The following CAMKMT variants were observed in gnomAD, a reference collection of about 807,000 sequenced individuals.
The protein encoded by CAMKMT is CaM KMT.
A neutral mutation model predicts 48.0 loss-of-function variants in CAMKMT; 53 were observed. The observed-to-expected ratio is 1.10, with a 90% CI of 0.89 to 1.39. CAMKMT has a LOEUF of 1.39. Among genes scored for constraint, CAMKMT ranks in the 40% most tolerant of loss-of-function variants. The pLI is 0.00. For synonymous variants in CAMKMT, 165 were observed against 152.3 expected, an observed-to-expected ratio of 1.08 and a Z score of -0.61; for missense variants, 428 against 402.7, an observed-to-expected ratio of 1.06 and a Z score of -0.54.
At chr2:44,615,549 G>T (rs1226112485) in intron 3 of CAMKMT, among the ~76,000 whole-genome samples, 3 of 152,134 alleles carry the variant, frequency 2.0e-5, no homozygotes, top group African/African-American at 4.8e-5. Context: ...TAGCTGGCAG[G>T]ATGATGATGC....
chr2:44,504,009 A>AGAGAG (rs1558661671), intron 3 of CAMKMT, among the ~76,000 whole-genome samples: 17 of 56,868 alleles, frequency 3.0e-4, no homozygotes, highest in Non-Finnish European at 5.1e-4. Context: ...GAGAGAGAGA[A>AGAGAG]AACGAAACGG....
rs1553448674 is a variant in CAMKMT, at chr2:44,768,361, A to ATTTT, written c.894+1813_894+1816dup. On this transcript the variant is annotated intron_variant, in intron 10 of 10. Coordinates refer to ENST00000378494, the MANE Select transcript of CAMKMT (RefSeq NM_024766.5). ...GCCCATGATATATATATATATATAT[A>ATTTT]TTTTTTTTTTTTTTTTAATAATGAG... Among the ~76,000 whole-genome samples the ATTTT allele has an allele frequency of 1.1e-3, 126 of 115,726 alleles. 1 individual carries two copies. The highest frequency in any genetic ancestry group is 5.3e-3 in the South Asian group (18 of 3,402). 75.9% of individuals were successfully genotyped at this position (115,726 alleles called of 152,430 possible).
Position 44,618,723 on chromosome 2 carries a change from G to A in CAMKMT, c.377-85560G>A, listed in dbSNP as rs1161824133. On this transcript the variant is annotated intron_variant, in intron 3 of 10. Coordinates refer to ENST00000378494, the MANE Select transcript of CAMKMT (RefSeq NM_024766.5). The surrounding 1 kb of genome is among the most constrained non-coding windows in gnomAD (Gnocchi z 4.0). ...GTCATGCTTAAAATATTCATATGAA[G>A]GTTTGAAATATTTATTTGAAGGCGC... Among the ~76,000 whole-genome samples the A allele has an allele frequency of 6.6e-6, 1 of 152,140 alleles. No homozygotes were observed. The highest frequency in any genetic ancestry group is 1.5e-5 in the Non-Finnish European group (1 of 68,028).
At chr2:44,738,145 T>C (rs1263868755) in intron 7 of CAMKMT, among the ~76,000 whole-genome samples, 1 of 152,146 alleles carries the variant, frequency 6.6e-6, no homozygotes, top group African/African-American at 2.4e-5. Context: ...TGAGCCACCA[T>C]GCCTGGCCCC....
At chr2:44,384,945 C>T (rs1324222625) in intron 2 of CAMKMT, among the ~76,000 whole-genome samples, 1 of 152,012 alleles carries the variant, frequency 6.6e-6, no homozygotes, top group Non-Finnish European at 1.5e-5. Context: ...TTTGCTTAGT[C>T]TTGCTTTGGC....
chr2:44,757,648 C>T (rs112287908), intron 9 of CAMKMT, among the ~76,000 whole-genome samples: 1,969 of 150,470 alleles, frequency 0.013, 35 homozygotes, highest in African/African-American at 0.044. Flanking sequence ...ATTGCAACTT[C>T]CGCCTCCCAG....
At chr2:44,404,662 T>C (rs550122523) in intron 3 of CAMKMT, among the ~76,000 whole-genome samples, 17 of 152,254 alleles carry the variant, frequency 1.1e-4, no homozygotes, top group Non-Finnish European at 2.5e-4. Flanking sequence ...AAAAATCTAC[T>C]TAATGTTTCT....
rs114067821 is a variant in CAMKMT, at chr2:44,718,794, G to C, written c.623+3441G>C. On this transcript the variant is annotated intron_variant, in intron 7 of 10. Transcript: ENST00000378494. ...ATGTATGTATCTTTGTGTGAAAGTT[G>C]CTAGTGAATTCAGGTTTATGACCTT... 1.4e-3 allele frequency among the ~76,000 whole-genome samples: 206 copies of C among 152,318 alleles called. 1 individual carries two copies. The highest frequency in any genetic ancestry group is 4.8e-3 in the African/African-American group (199 of 41,580).
intron 3 of CAMKMT, among the ~76,000 whole-genome samples, chr2:44,681,561 G>C (rs973615453): frequency 6.6e-6 from 1 of 151,320 alleles, no homozygotes; most frequent in Non-Finnish European, 1.5e-5. Flanking sequence ...TTTTTGGAGG[G>C]GGAGGGGAAT....
At chr2:44,658,542 G>A (rs1468300217) in intron 3 of CAMKMT, among the ~76,000 whole-genome samples, 2 of 152,234 alleles carry the variant, frequency 1.3e-5, no homozygotes, top group Admixed American at 6.5e-5. Flanking sequence ...TTAGCAAAGC[G>A]GTTGAGATGC....
rs530030804 is a variant in CAMKMT at position 44,711,696 on chromosome 2, T to C, written c.557-3591T>C. 3.9e-5 allele frequency among the ~76,000 whole-genome samples: 6 copies of C among 152,308 alleles called. No individual in the cohort carries two copies. In the East Asian group the frequency reaches 9.6e-4, roughly 24 times the overall value. ...CATGTTAGTTACTTTACCCACCTCT[T>C]CACCCTACCAAAGCTTTTGCCTGAA... On this transcript the variant is annotated intron_variant, in intron 6 of 10. Coordinates refer to ENST00000378494, the MANE Select transcript of CAMKMT (RefSeq NM_024766.5).
intron 3 of CAMKMT, among the ~76,000 whole-genome samples, chr2:44,483,828 A>G (rs1669088570): frequency 6.6e-6 from 1 of 152,200 alleles, no homozygotes; most frequent in Admixed American, 6.5e-5. Flanking sequence ...CGTTGATTTT[A>G]AAGAGTGATA....
chr2:44,366,068 G>C (rs1678557633), intron 1 of CAMKMT, among the ~76,000 whole-genome samples: 1 of 152,210 alleles, frequency 6.6e-6, no homozygotes, highest in African/African-American at 2.4e-5. Flanking sequence ...CACCTAAACT[G>C]ATAGTAAACT....
chr2:44,764,032 T>G (rs771517051), intron 9 of CAMKMT, among the ~76,000 whole-genome samples: 2 of 151,270 alleles, frequency 1.3e-5, no homozygotes, highest in African/African-American at 4.9e-5. Flanking sequence ...TCCCTGTTGT[T>G]TTTTTTTTTC....
intron 3 of CAMKMT, among the ~76,000 whole-genome samples, chr2:44,421,482 A>G (rs980614141): frequency 1.3e-5 from 2 of 152,162 alleles, no homozygotes; most frequent in African/African-American, 2.4e-5. Flanking sequence ...TTTCTCAGTA[A>G]TGTGTCACTG....
chr2:44,662,706 C>T (rs1674745712), intron 3 of CAMKMT, among the ~76,000 whole-genome samples: 1 of 152,122 alleles, frequency 6.6e-6, no homozygotes, highest in African/African-American at 2.4e-5. Context: ...TCCTGAGTAG[C>T]ATATGCATCA....
At chr2:44,399,622 C>T (rs866078330) in intron 3 of CAMKMT, among the ~76,000 whole-genome samples, 2 of 146,908 alleles carry the variant, frequency 1.4e-5, no homozygotes, top group African/African-American at 5.2e-5. Context: ...ACAAAATAAT[C>T]AAGAAAAAAA....
chr2:44,549,361 T>TA (rs528921596), intron 3 of CAMKMT, among the ~76,000 whole-genome samples: 1 of 148,886 alleles, frequency 6.7e-6, no homozygotes, highest in African/African-American at 2.5e-5. Context: ...TTTATAATCC[T>TA]AAAAAAAAAG....
At chr2:44,441,914 GT>G (rs1162021889) in intron 3 of CAMKMT, among the ~76,000 whole-genome samples, 1 of 152,118 alleles carries the variant, frequency 6.6e-6, no homozygotes, top group Non-Finnish European at 1.5e-5. Context: ...CTTAAGCTTT[GT>G]TTTTTGTTTT....
Sources: allele counts gnomAD v4.1 joint callset (sites outside exome capture counted in the v4.1 genomes callset), GRCh38; gene constraint gnomAD v4.1.1; non-coding constraint Gnocchi (gnomAD v3.1); transcripts MANE v1.5; gene names NCBI Gene and HGNC (gene_info 2026-07-23, HGNC 2026-07-21).